The following OR6N1 variants were observed in gnomAD, a reference collection of about 807,000 sequenced individuals.
OR6N1 encodes olfactory receptor 6N1.
For missense variants in OR6N1, 394 were observed against 371.7 expected (o/e 1.06, Z -0.49); for synonymous variants, 170 against 150.7 (o/e 1.13, Z -0.94).
At chr1:158,811,065 T>C in the OR6N1 span, among the ~76,000 whole-genome samples, 2 of 152,168 alleles carry the variant, frequency 1.3e-5, no homozygotes, top group African/African-American at 4.8e-5. Context: ...CCCCAGTGAG[T>C]GTTGTTCTCC....
the OR6N1 span, among the ~76,000 whole-genome samples, chr1:158,816,552 T>C: frequency 6.6e-6 from 1 of 152,094 alleles, no homozygotes; most frequent in Non-Finnish European, 1.5e-5. Flanking sequence ...TAGCCAAGTG[T>C]GGTGGCACAT....
In OR6N1 at chr1:158,766,523, G is replaced by A. The variant is rs189383486; in HGVS notation, c.160C>T (p.Arg54Trp). The change falls in exon 2 of 2, where the codon CGG becomes TGG. Residue 54 changes from arginine to tryptophan, a missense_variant. Transcript: ENST00000641846. The part of the protein sequence containing the change: ...LIFLVVCLDS[R>W]LHTPMYHFVS... ...AAGTGGTACATGGGTGTGTGAAGCC[G>A]GGAGTCCAGGCAGACCACCAGGAAT... The A allele has an allele frequency of 2.5e-5, 40 of 1,614,050 alleles. 1 individual carries two copies. The East Asian group carries it at 6.2e-4, about 25-fold the overall frequency.
the OR6N1 span, among the ~76,000 whole-genome samples, chr1:158,793,001 T>C: frequency 1.3e-5 from 2 of 152,206 alleles, no homozygotes; most frequent in Non-Finnish European, 2.9e-5. Flanking sequence ...CTGATTGGGT[T>C]ACTTTGAAAC....
At chr1:158,828,044 T>A in the OR6N1 span, among the ~76,000 whole-genome samples, 1 of 152,188 alleles carries the variant, frequency 6.6e-6, no homozygotes, top group East Asian at 1.9e-4. Flanking sequence ...TTTACTATTA[T>A]GAGAACAGCA....
chr1:158,789,967 G>A, the OR6N1 span, among the ~76,000 whole-genome samples: 2 of 152,282 alleles, frequency 1.3e-5, no homozygotes, highest in Admixed American at 6.5e-5. Flanking sequence ...TTTGTCATTT[G>A]AAGTCTTAGA....
chr1:158,839,545 T>A, the OR6N1 span, among the ~76,000 whole-genome samples: 1 of 152,156 alleles, frequency 6.6e-6, no homozygotes, highest in Admixed American at 6.5e-5. Context: ...TTTCCATCAA[T>A]GCTCCAAGTC....
the OR6N1 span, among the ~76,000 whole-genome samples, chr1:158,787,707 T>A: frequency 6.6e-6 from 1 of 151,740 alleles, no homozygotes; most frequent in Non-Finnish European, 1.5e-5. Context: ...TTTTGAATAG[T>A]ATTTCTCCAG....
At chr1:158,793,721 T>C in the OR6N1 span, among the ~76,000 whole-genome samples, 6 of 152,174 alleles carry the variant, frequency 3.9e-5, no homozygotes, top group Admixed American at 2.6e-4. Context: ...TTTTTCCTAG[T>C]ATTTTATTCA....
At chr1:158,829,949 G>A in the OR6N1 span, among the ~76,000 whole-genome samples, 2 of 152,140 alleles carry the variant, frequency 1.3e-5, no homozygotes, top group Non-Finnish European at 2.9e-5. Flanking sequence ...ATTTTAAAAC[G>A]ATCAGATCTC....
chr1:158,794,875 G>A, the OR6N1 span, among the ~76,000 whole-genome samples: 5 of 152,198 alleles, frequency 3.3e-5, no homozygotes, highest in African/African-American at 4.8e-5. Flanking sequence ...CTGCAGTAAT[G>A]GCAGTGGAAT....
At chr1:158,782,437 CA>C in the OR6N1 span, among the ~76,000 whole-genome samples, 3 of 152,122 alleles carry the variant, frequency 2.0e-5, no homozygotes, top group African/African-American at 7.2e-5. Context: ...GGCCTTCCAG[CA>C]AAAGAAAGGA....
At chr1:158,816,212 C>T in the OR6N1 span, among the ~76,000 whole-genome samples, 10 of 151,540 alleles carry the variant, frequency 6.6e-5, no homozygotes, top group Non-Finnish European at 1.3e-4. Context: ...AAGAGCCAAG[C>T]ATTAAAACCT....
chr1:158,833,525 C>G, the OR6N1 span, among the ~76,000 whole-genome samples: 4 of 152,192 alleles, frequency 2.6e-5, no homozygotes, highest in Non-Finnish European at 5.9e-5. Flanking sequence ...ATTCTACCTT[C>G]TTTCCCCATA....
chr1:158,768,733 A>G (rs1657340963), intron 1 of OR6N1, among the ~76,000 whole-genome samples: 1 of 152,060 alleles, frequency 6.6e-6, no homozygotes, highest in African/African-American at 2.4e-5. Context: ...CATTTATTTC[A>G]TCTTTGCTCA....
intron 1 of OR6N1, among the ~76,000 whole-genome samples, chr1:158,770,414 C>T (rs1164281116): frequency 6.6e-6 from 1 of 152,140 alleles, no homozygotes; most frequent in African/African-American, 2.4e-5. Flanking sequence ...TGGACCATTT[C>T]CTTCTCTTTT....
chr1:158,817,768 A>G, the OR6N1 span, among the ~76,000 whole-genome samples: 9 of 152,168 alleles, frequency 5.9e-5, no homozygotes, highest in East Asian at 7.7e-4. Context: ...CAACACTAGG[A>G]CCTCAGGCAC....
chr1:158,840,286 T>C, the OR6N1 span, among the ~76,000 whole-genome samples: 1 of 152,152 alleles, frequency 6.6e-6, no homozygotes, highest in Non-Finnish European at 1.5e-5. Flanking sequence ...CTGGGTAATT[T>C]ATAAAGAAAA....
chr1:158,799,846 TGTTGTCTACAGATATGA>T, the OR6N1 span, among the ~76,000 whole-genome samples: 2 of 152,166 alleles, frequency 1.3e-5, no homozygotes, highest in African/African-American at 4.8e-5. Context: ...CAGCCAGCCA[TGTTGTCTACAGATATGA>T]GTTACTCTAT....
chr1:158,782,211 TTAAG>T, the OR6N1 span, among the ~76,000 whole-genome samples: 3 of 152,214 alleles, frequency 2.0e-5, no homozygotes, highest in East Asian at 1.9e-4. Context: ...ATTGTGAGAA[TTAAG>T]TAAGATTAAA....
Sources: allele counts gnomAD v4.1 joint callset (sites outside exome capture counted in the v4.1 genomes callset), GRCh38; gene constraint gnomAD v4.1.1; transcripts MANE v1.5; gene names NCBI Gene and HGNC (gene_info 2026-07-23, HGNC 2026-07-21).